Variants in DGKH observed in about 807,000 individuals in gnomAD.
The protein encoded by DGKH is diacylglycerol kinase eta.
DGKH carries 90 observed loss-of-function variants against 159.3 expected under a neutral mutation model. That is an observed-to-expected ratio of 0.57 (90% CI 0.48 to 0.67). The LOEUF is 0.67. Ranked by LOEUF, DGKH falls within the 30% of genes least tolerant of loss-of-function variation. The pLI is 0.00. For missense variants in DGKH, 1,181 were observed against 1,506.1 expected (o/e 0.78, Z 3.57); for synonymous variants, 536 against 553.8 (o/e 0.97, Z 0.45).
intron 3 of DGKH, among the ~76,000 whole-genome samples, chr13:42,135,491 G>GAGAAAAAAAAAAAAAAAAA (rs1955383397): frequency 1.4e-5 from 1 of 69,150 alleles, no homozygotes. Context: ...CCCTGTCTCA[G>GAGAAAAAAAAAAAAAAAAA]AAAAAAAAAA....
chr13:42,194,790 A>G lies in DGKH; in HGVS notation c.2036-95A>G. On this transcript the variant is annotated intron_variant, in intron 16 of 29. Transcript: ENST00000337343. ...ATAATATTTTCATTTCTACTGATTG[A>G]TTTAAACATTATTTTATGTTTTAAA... The G allele has an allele frequency of 2.2e-6, 3 of 1,371,708 alleles. No homozygotes were observed. The East Asian group carries it at 7.5e-5, about 34-fold the overall frequency. The allele number at this position is 1,371,708 out of a possible 1,614,324, so 85.0% of individuals were successfully genotyped here. A position where few individuals can be genotyped will look rare whatever the true frequency, so the allele number is the denominator to read the frequency against.
chr13:42,042,249 G>C (rs1341477801), intron 1 of DGKH, among the ~76,000 whole-genome samples: 1 of 152,218 alleles, frequency 6.6e-6, no homozygotes, highest in East Asian at 1.9e-4. Context: ...TAAATTCAGT[G>C]ACTTTACTTT....
intron 11 of DGKH, among the ~76,000 whole-genome samples, chr13:42,172,369 C>T (rs1383567622): frequency 6.6e-6 from 1 of 152,192 alleles, no homozygotes; most frequent in Admixed American, 6.5e-5. Context: ...CTGCCCGCCT[C>T]AGCCTCCCAA....
chr13:42,084,369 C>G (rs1954264433), intron 1 of DGKH, among the ~76,000 whole-genome samples: 1 of 151,982 alleles, frequency 6.6e-6, no homozygotes, highest in Admixed American at 6.6e-5. Flanking sequence ...GATACTACAT[C>G]TTAGGAAATG....
intron 1 of DGKH, among the ~76,000 whole-genome samples, chr13:42,101,458 G>A (rs1954650694): frequency 6.6e-6 from 1 of 152,216 alleles, no homozygotes; most frequent in Admixed American, 6.5e-5. Flanking sequence ...GAAAAACTCA[G>A]TTTCTCAGTC....
chr13:42,065,660 G>A (rs1479622792), intron 1 of DGKH, among the ~76,000 whole-genome samples: 1 of 152,136 alleles, frequency 6.6e-6, no homozygotes, highest in Non-Finnish European at 1.5e-5. Context: ...GGTGGACTGG[G>A]GGTAGTTGAA....
intron 1 of DGKH, among the ~76,000 whole-genome samples, chr13:42,075,674 G>T (rs9532989): frequency 0.62 from 94,669 of 151,966 alleles, 29,794 homozygotes; most frequent in Non-Finnish European, 0.68. Flanking sequence ...AAAGGTGCAG[G>T]TGGGGACTCT....
Position 42,165,446 on chromosome 13 carries a change from A to G in DGKH, c.958+13A>G. ...ACCGATTCCGATGGTATGTAGCAGT[A>G]GTGTAAGTACGTATATTTCTGGTAT... On this transcript the variant is annotated intron_variant, in intron 8 of 29. Transcript: ENST00000337343. 1 of 1,428,254 alleles carries G rather than the reference A, an allele frequency of 7.0e-7. No homozygotes were observed. 88.5% of individuals were successfully genotyped at this position (1,428,254 alleles called of 1,614,324 possible).
At chr13:42,174,554 C>G (rs1332121041) in intron 12 of DGKH, among the ~76,000 whole-genome samples, 2 of 152,144 alleles carry the variant, frequency 1.3e-5, no homozygotes, top group Admixed American at 6.6e-5. Context: ...GCTGGTGTTT[C>G]CTGTTAGTGT....
intron 7 of DGKH, among the ~76,000 whole-genome samples, chr13:42,160,553 C>T (rs986998359): frequency 6.6e-6 from 1 of 152,108 alleles, no homozygotes; most frequent in Non-Finnish European, 1.5e-5. Context: ...CACATGCAGC[C>T]GAACATGAAG....
At chr13:42,218,172 A>C (rs973533120) in intron 26 of DGKH, among the ~76,000 whole-genome samples, 1 of 152,234 alleles carries the variant, frequency 6.6e-6, no homozygotes, top group African/African-American at 2.4e-5. Flanking sequence ...ACTGCCTTCC[A>C]GTTCTGTGCA....
At chr13:42,060,879 A>G (rs1401593097) in intron 1 of DGKH, among the ~76,000 whole-genome samples, 1 of 152,216 alleles carries the variant, frequency 6.6e-6, no homozygotes. Flanking sequence ...ACACATGTCA[A>G]GTGACTTGTT....
chr13:42,243,882 G>A (rs996155468), downstream of DGKH, among the ~76,000 whole-genome samples: 11 of 152,302 alleles, frequency 7.2e-5, no homozygotes, highest in South Asian at 6.2e-4. Flanking sequence ...TGGGATTGAC[G>A]TGAAGAGAGC....
intron 1 of DGKH, among the ~76,000 whole-genome samples, chr13:42,072,819 C>A (rs76463739): frequency 1.3e-5 from 2 of 152,196 alleles, no homozygotes; most frequent in East Asian, 1.9e-4. Context: ...CTCAGGGCGA[C>A]CTGCCCTGGT....
Position 42,134,126 on chromosome 13 carries a change from T to A in DGKH, c.384+4494T>A, listed in dbSNP as rs112933238. Among the ~76,000 whole-genome samples the A allele has an allele frequency of 8.9e-3, 1,355 of 152,290 alleles. 22 individuals carry two copies. Among genetic ancestry groups the A allele is most frequent in the African/African-American group, 0.03 (1,252 of 41,544 alleles). On this transcript the variant is annotated intron_variant, in intron 3 of 29. Transcript: ENST00000337343. ...AAATGGAAAATGGAAAACCTGTGCT[T>A]TGCCTGAAAACCCAGTGCTGAACTC...
intron 11 of DGKH, among the ~76,000 whole-genome samples, chr13:42,169,363 G>T (rs556093925): frequency 6.6e-6 from 1 of 152,194 alleles, no homozygotes; most frequent in South Asian, 2.1e-4. Context: ...TCAAATGAAG[G>T]GACTATCATT....
intron 30 of DGKH, among the ~76,000 whole-genome samples, chr13:42,254,168 C>T (rs1958640807): frequency 6.6e-6 from 1 of 152,064 alleles, no homozygotes; most frequent in South Asian, 2.1e-4. Flanking sequence ...TAGAATCTAT[C>T]CCTTGAAAAT....
intron 11 of DGKH, among the ~76,000 whole-genome samples, chr13:42,172,151 G>A (rs920273491): frequency 1.6e-4 from 24 of 147,190 alleles, no homozygotes; most frequent in African/African-American, 4.8e-4. Context: ...ATAGAGTTTC[G>A]CTCTGTCACC....
chr13:42,163,993 T>C (rs1956254950), intron 7 of DGKH, among the ~76,000 whole-genome samples: 1 of 152,222 alleles, frequency 6.6e-6, no homozygotes, highest in Non-Finnish European at 1.5e-5. Context: ...TTTATGGTTT[T>C]AGGTCTAAAG....
Sources: gnomAD v4.1 joint callset for allele counts (sites outside exome capture counted in the v4.1 genomes callset) on GRCh38, gnomAD v4.1.1 for gene constraint, MANE v1.5 for transcripts, NCBI Gene and HGNC (gene_info 2026-07-23, HGNC 2026-07-21) for gene names.